Variants in MALRD1 observed in about 807,000 individuals in gnomAD.
The protein encoded by MALRD1 is MAM and LDL receptor class A domain containing 1.
A neutral mutation model predicts 242.1 loss-of-function variants in MALRD1; 247 were observed. The observed-to-expected ratio is 1.02, with a 90% CI of 0.92 to 1.13. MALRD1 has a LOEUF of 1.13. MALRD1 is among the 50% of genes most tolerant of loss of function. MALRD1 has a pLI of 0.00. For missense variants in MALRD1, 2,989 were observed against 2,533.1 expected, an observed-to-expected ratio of 1.18 and a Z score of -3.86; for synonymous variants, 995 against 866.6, an observed-to-expected ratio of 1.15 and a Z score of -2.60.
chr10:19,703,665 C>T (rs181183283), intron 38 of MALRD1, among the ~76,000 whole-genome samples: 4 of 152,254 alleles, frequency 2.6e-5, no homozygotes, highest in African/African-American at 7.2e-5. Flanking sequence ...GAGGCCAAGG[C>T]GGGTGGATCA....
At chr10:19,515,322 T>C (rs548244524) in intron 31 of MALRD1, among the ~76,000 whole-genome samples, 2 of 152,308 alleles carry the variant, frequency 1.3e-5, no homozygotes, top group African/African-American at 2.4e-5. Flanking sequence ...TTCCTGTAGA[T>C]TGGCAAATCT....
At chr10:19,115,100 C>T (rs1430637311) in intron 5 of MALRD1, among the ~76,000 whole-genome samples, 1 of 152,154 alleles carries the variant, frequency 6.6e-6, no homozygotes, top group Non-Finnish European at 1.5e-5. Context: ...TAACCAAGTT[C>T]CAGACAACTA....
intron 17 of MALRD1, 41 bp from the exon 18 acceptor site, chr10:19,209,227 G>C: frequency 3.5e-6 from 5 of 1,449,064 alleles, no homozygotes; most frequent in Non-Finnish European, 4.5e-6. Context: ...ATGTATTTTT[G>C]TCCCTAATTA....
At chr10:19,486,293 C>T (rs1837233630) in intron 29 of MALRD1, among the ~76,000 whole-genome samples, 1 of 152,114 alleles carries the variant, frequency 6.6e-6, no homozygotes, top group Non-Finnish European at 1.5e-5. Context: ...TTTTTTTTAA[C>T]TCCTGCTCAC....
intron 5 of MALRD1, among the ~76,000 whole-genome samples, chr10:19,106,426 T>G (rs11008497): frequency 0.022 from 3,414 of 152,000 alleles, 115 homozygotes; most frequent in African/African-American, 0.078. Context: ...GGTTTTCCAG[T>G]TTATGGTTGT....
chr10:19,460,826 G>T (rs1382873260), intron 29 of MALRD1, among the ~76,000 whole-genome samples: 2 of 152,150 alleles, frequency 1.3e-5, no homozygotes, highest in African/African-American at 4.8e-5. Context: ...ACTTTCAAAA[G>T]AAAGCACATG....
At chr10:19,103,686 A>G (rs1836361022) in intron 4 of MALRD1, among the ~76,000 whole-genome samples, 1 of 152,226 alleles carries the variant, frequency 6.6e-6, no homozygotes, top group Non-Finnish European at 1.5e-5. Context: ...GTGAACACAT[A>G]GGAACTGAAA....
chr10:19,464,624 A>C (rs10740901), intron 29 of MALRD1, among the ~76,000 whole-genome samples: 152,331 of 152,332 alleles, frequency 1, 76,165 homozygotes, highest in Middle Eastern at 1. Flanking sequence ...CCATATAGTA[A>C]AGTTTGAAGT....
intron 18 of MALRD1, among the ~76,000 whole-genome samples, chr10:19,221,443 G>C (rs764690435): frequency 2.0e-5 from 3 of 152,138 alleles, no homozygotes; most frequent in Non-Finnish European, 4.4e-5. Flanking sequence ...CAGATTTGTT[G>C]CATACTGAAC....
At position 19,248,275 on chromosome 10, in the gene MALRD1, G is replaced by A. The variant is rs76799569; in HGVS notation, c.2992-9409G>A. ...GCAGGTATTATTTTCACTAAAATGA[G>A]ATTTTAAAATCTAAATTGAAAAAAG... On this transcript the variant is annotated intron_variant, in intron 18 of 39. Coordinates refer to ENST00000454679, the MANE Select transcript of MALRD1 (RefSeq NM_001142308.3). 6.4e-4 allele frequency among the ~76,000 whole-genome samples: 97 copies of A among 151,750 alleles called. 1 individual carries two copies. In the East Asian group the frequency reaches 0.014, roughly 22 times the overall value.
At chr10:19,700,527 A>C (rs1833575581) in intron 38 of MALRD1, among the ~76,000 whole-genome samples, 2 of 152,188 alleles carry the variant, frequency 1.3e-5, no homozygotes, top group Non-Finnish European at 2.9e-5. Flanking sequence ...AATTGCAAAA[A>C]ATAGGAGCAC....
chr10:19,305,631 T>C (rs1842130384), intron 21 of MALRD1, among the ~76,000 whole-genome samples: 1 of 150,836 alleles, frequency 6.6e-6, no homozygotes, highest in Non-Finnish European at 1.5e-5. Context: ...CTTCATTTCA[T>C]TGTTTCTGTA....
At chr10:19,396,252 T>A (rs1846575763) in intron 28 of MALRD1, among the ~76,000 whole-genome samples, 1 of 150,592 alleles carries the variant, frequency 6.6e-6, no homozygotes, top group South Asian at 2.2e-4. Flanking sequence ...TTCTCCTGCC[T>A]CAGCCTCCTG....
At chr10:19,429,505 G>T in intron 28 of MALRD1, among the ~76,000 whole-genome samples, 1 of 152,162 alleles carries the variant, frequency 6.6e-6, no homozygotes, top group South Asian at 2.1e-4. Context: ...TGGAGGTTGC[G>T]GTGAGCCGAG....
At chr10:19,108,447 G>A (rs1257678446) in intron 5 of MALRD1, among the ~76,000 whole-genome samples, 1 of 17,280 alleles carries the variant, frequency 5.8e-5, no homozygotes, top group Non-Finnish European at 7.8e-5. Flanking sequence ...TCGCTCTGTC[G>A]CCCAGGCCGG....
At chr10:19,655,909 G>A (rs1165394314) in intron 36 of MALRD1, among the ~76,000 whole-genome samples, 1 of 152,058 alleles carries the variant, frequency 6.6e-6, no homozygotes, top group African/African-American at 2.4e-5. Context: ...AGAATTTGAG[G>A]ACAGAGTGTC....
intron 31 of MALRD1, among the ~76,000 whole-genome samples, chr10:19,522,026 G>A (rs1010709188): frequency 2.4e-4 from 36 of 151,950 alleles, no homozygotes; most frequent in Non-Finnish European, 2.5e-4. Flanking sequence ...TGTAGATAAG[G>A]CCACTCATTT....
chr10:19,365,838 T>C (rs898581974), intron 26 of MALRD1, among the ~76,000 whole-genome samples: 1 of 152,072 alleles, frequency 6.6e-6, no homozygotes, highest in Non-Finnish European at 1.5e-5. Flanking sequence ...TCCACCAAAA[T>C]AGAGAACATC....
intron 19 of MALRD1, among the ~76,000 whole-genome samples, chr10:19,277,277 T>A (rs1002701944): frequency 6.6e-6 from 1 of 152,194 alleles, no homozygotes; most frequent in Non-Finnish European, 1.5e-5. Context: ...ATTTTATATA[T>A]CTGATCTTGG....
Sources: allele counts gnomAD v4.1 joint callset (sites outside exome capture counted in the v4.1 genomes callset), GRCh38; gene constraint gnomAD v4.1.1; transcripts MANE v1.5; gene names NCBI Gene and HGNC (gene_info 2026-07-23, HGNC 2026-07-21).